GAB4: variants seen among roughly 807,000 people sequenced by gnomAD.
The protein encoded by GAB4 is GRB2-associated-binding protein 4.
In GAB4, 26 loss-of-function variants were observed where a neutral mutation model predicts 51.3. That is an observed-to-expected ratio of 0.51 (90% CI 0.37 to 0.70). The LOEUF (loss-of-function observed/expected upper bound fraction) is 0.70, where lower values mean the gene tolerates loss of function less well. Ranked by LOEUF, GAB4 falls within the 30% of genes least tolerant of loss-of-function variation. The probability of loss-of-function intolerance (pLI) is 0.00; values close to 1 mark genes in which losing one functional copy is unlikely to be tolerated. For missense variants in GAB4, 759 were observed against 734.6 expected, an observed-to-expected ratio of 1.03 and a Z score of -0.38; for synonymous variants, 329 against 291.2, an observed-to-expected ratio of 1.13 and a Z score of -1.32.
intron 9 of GAB4, among the ~76,000 whole-genome samples, chr22:16,963,326 T>C (rs2060644428): frequency 6.6e-6 from 1 of 152,158 alleles, no homozygotes; most frequent in Non-Finnish European, 1.5e-5. Context: ...CGGGAGGCTT[T>C]CCTGGACCCA....
Position 16,964,795 on chromosome 22 carries a change from C to T in GAB4, c.1447G>A (p.Glu483Lys), listed in dbSNP as rs760231535. The T allele has an allele frequency of 1.6e-5, 26 of 1,613,848 alleles. No homozygotes were observed. Among genetic ancestry groups the T allele is most frequent in the Non-Finnish European group, 2.0e-5 (24 of 1,179,868 alleles). ...STQSITNTDS[E>K]DSGERYLFPN... is the part of the protein sequence containing the mutation. ...AAAAGATACCTCTCTCCACTGTCTT[C>T]TGAGTCTGTGTTGGTGATGCTCTGC... The change falls in exon 8 of 10, where the codon GAA (glutamate) becomes AAA (lysine). Residue 483 changes from glutamate to lysine, a missense_variant. Physicochemically the swap from Glu to Lys is moderately conservative, Grantham distance 56. Transcript: ENST00000400588.
rs114689763 is a variant in GAB4, at chr22:16,993,373, C to T, written c.175-1197G>A. The stretch of plus-strand genomic sequence containing the variant: ...AAACAAACTCGAACCACTTGCTATA[C>T]AACCCTGAAGGACTACAGATGCCAA... On this transcript the variant is annotated intron_variant, in intron 1 of 9. Coordinates refer to ENST00000400588, the MANE Select transcript of GAB4 (RefSeq NM_001037814.1). 2.7e-3 allele frequency among the ~76,000 whole-genome samples: 412 copies of T among 152,272 alleles called. 2 individuals carry two copies. Among genetic ancestry groups the T allele is most frequent in the African/African-American group, 9.6e-3 (400 of 41,544 alleles).
chr22:16,971,987 T>C (rs2060735892), intron 3 of GAB4, among the ~76,000 whole-genome samples: 1 of 152,260 alleles, frequency 6.6e-6, no homozygotes, highest in African/African-American at 2.4e-5. Context: ...CATGCTGTGC[T>C]TCACCAGCAG....
chr22:16,975,423 G>T (rs113433198), intron 3 of GAB4, among the ~76,000 whole-genome samples: 3 of 152,196 alleles, frequency 2.0e-5, no homozygotes, highest in Non-Finnish European at 4.4e-5. Context: ...GCCCACCACA[G>T]CTCAGCAAAG....
intron 3 of GAB4, among the ~76,000 whole-genome samples, chr22:16,973,458 C>A (rs963816590): frequency 6.6e-6 from 1 of 152,182 alleles, no homozygotes; most frequent in Non-Finnish European, 1.5e-5. Flanking sequence ...TTAAACCCCA[C>A]TTTCTTATGT....
At chr22:16,978,933 C>T (rs1385993425) in intron 3 of GAB4, among the ~76,000 whole-genome samples, 4 of 152,266 alleles carry the variant, frequency 2.6e-5, no homozygotes, top group African/African-American at 4.8e-5. Context: ...ACAAAAACCA[C>T]ATGATTATCT....
chr22:16,996,900 G>A (rs569543065), intron 1 of GAB4, among the ~76,000 whole-genome samples: 29 of 148,046 alleles, frequency 2.0e-4, no homozygotes, highest in African/African-American at 7.3e-4. Flanking sequence ...CTATGAGTGA[G>A]AACATGCGGT....
intron 1 of GAB4, among the ~76,000 whole-genome samples, chr22:17,000,772 G>A (rs2060991087): frequency 6.6e-6 from 1 of 152,194 alleles, no homozygotes; most frequent in Non-Finnish European, 1.5e-5. Flanking sequence ...TGCAGTGGCT[G>A]TGCAAAGGTT....
chr22:16,967,234 T>G (rs993914768), intron 5 of GAB4: 1 of 152,232 alleles, frequency 6.6e-6, no homozygotes, highest in Non-Finnish European at 1.5e-5. Flanking sequence ...GCACCCAATG[T>G]CCACGTGGGT....
intron 3 of GAB4, among the ~76,000 whole-genome samples, chr22:16,986,773 C>T (rs1294618868): frequency 6.6e-6 from 1 of 152,220 alleles, no homozygotes; most frequent in African/African-American, 2.4e-5. Context: ...CACAGATCTT[C>T]ATGTATCAGT....
In GAB4 at chr22:16,982,242, C is replaced by T. The variant is rs190058019; in HGVS notation, c.686+5718G>A. On this transcript the variant is annotated intron_variant, in intron 3 of 9. Transcript: ENST00000400588. ...ATTGAAAAGGAAGAAGTAAAATTGT[C>T]CTTGTTTGCAGACAATATAATCTTA... 1.6e-3 allele frequency among the ~76,000 whole-genome samples: 244 copies of T among 152,282 alleles called. 3 individuals are homozygous for T. The highest frequency in any genetic ancestry group is 7.1e-3 in the South Asian group (34 of 4,814).
intron 3 of GAB4, among the ~76,000 whole-genome samples, chr22:16,983,814 G>A (rs73145701): frequency 0.022 from 3,364 of 152,248 alleles, 59 homozygotes; most frequent in Middle Eastern, 0.068. Flanking sequence ...AAAATTGATT[G>A]AACATGTAAA....
chr22:16,998,221 T>A (rs1348347275), intron 1 of GAB4, among the ~76,000 whole-genome samples: 2 of 152,240 alleles, frequency 1.3e-5, no homozygotes, highest in African/African-American at 4.8e-5. Context: ...ACTGAATCTA[T>A]AAATTACCTT....
At chr22:16,999,831 G>T (rs1444003574) in intron 1 of GAB4, among the ~76,000 whole-genome samples, 3 of 152,136 alleles carry the variant, frequency 2.0e-5, no homozygotes, top group Non-Finnish European at 2.9e-5. Context: ...AGAGCTTCTG[G>T]TATGTTGTGC....
At chr22:16,994,877 C>T (rs557548078) in intron 1 of GAB4, among the ~76,000 whole-genome samples, 1 of 152,098 alleles carries the variant, frequency 6.6e-6, no homozygotes, top group Admixed American at 6.5e-5. Flanking sequence ...TAGGGTAAAA[C>T]GTTCAGTATT....
At chr22:16,989,777 C>T (rs1011571045) in intron 2 of GAB4, among the ~76,000 whole-genome samples, 4 of 152,222 alleles carry the variant, frequency 2.6e-5, no homozygotes, top group African/African-American at 9.6e-5. Context: ...GGATCTGTTT[C>T]CTCTGCCTTC....
rs1412376896 is a variant in GAB4 at position 16,968,391 on chromosome 22, A to C, written c.938-8T>G. The C allele has an allele frequency of 6.2e-7, 1 of 1,608,438 alleles. No individual in the cohort carries two copies. ...TGTACTTGCCGGAGGAAGCTACGAC[A>C]GAGGAAGGAGATCCACATGCATCAC... On this transcript the variant is annotated splice_region_variant and splice_polypyrimidine_tract_variant and intron_variant, in intron 4 of 9. Coordinates refer to ENST00000400588, the MANE Select transcript of GAB4 (RefSeq NM_001037814.1).
rs372247155 is a variant in GAB4 at position 16,988,076 on chromosome 22, T to C, written c.570A>G (p.Gln190=). 14 of 1,608,476 alleles carry C rather than the reference T, an allele frequency of 8.7e-6. No homozygotes were observed. The highest frequency in any genetic ancestry group is 1.2e-5 in the Non-Finnish European group (14 of 1,177,558). Residue 190 remains glutamine, a synonymous_variant, in exon 3 of 10, where the codon CAA becomes CAG. Coordinates refer to ENST00000400588, the MANE Select transcript of GAB4 (RefSeq NM_001037814.1). ...SCSHQHLPQE[Q]EPTSEPPVSH... ...ACACCGGGGGCTCAGATGTGGGTTC[T>C]TGTTCTTGGGGGAGGTGCTGATGGG... is the stretch of plus-strand genomic sequence containing the variant.
At chr22:16,991,796 A>C in intron 2 of GAB4, 77 bp downstream of exon 2, 274 of 1,214,048 alleles carry the variant, frequency 2.3e-4, no homozygotes, top group Non-Finnish European at 3.1e-4. Flanking sequence ...GTTGGCAGCT[A>C]GAGCTGCCCT....
Sources: gnomAD v4.1 joint callset for allele counts (sites outside exome capture counted in the v4.1 genomes callset) on GRCh38, gnomAD v4.1.1 for gene constraint, MANE v1.5 for transcripts, NCBI Gene and HGNC (gene_info 2026-07-23, HGNC 2026-07-21) for gene names.